Variants in SPATA17 observed in about 807,000 individuals in gnomAD.
The protein encoded by SPATA17 is spermatogenesis-associated protein 17.
Under a neutral mutation model 62.2 loss-of-function variants are expected in SPATA17, and 53 were observed. The ratio of observed to expected loss-of-function variants is 0.85; its 90% CI spans 0.68 to 1.07. The LOEUF (loss-of-function observed/expected upper bound fraction) is 1.07, where lower values mean the gene tolerates loss of function less well. Among genes scored for constraint, SPATA17 ranks in the 50% least tolerant of loss-of-function variants. The probability of loss-of-function intolerance (pLI) is 0.00; values close to 1 mark genes in which losing one functional copy is unlikely to be tolerated. For missense variants in SPATA17, 466 were observed against 425.5 expected, an observed-to-expected ratio of 1.10 and a Z score of -0.84; for synonymous variants, 146 against 146.8, an observed-to-expected ratio of 0.99 and a Z score of 0.04.
chr1:217,645,472 T>C lies in SPATA17; in HGVS notation c.69-3410T>C, dbSNP rs371482624. Among the ~76,000 whole-genome samples, 20 of 152,218 alleles carry C rather than the reference T, an allele frequency of 1.3e-4. No homozygotes were observed. In the East Asian group the frequency reaches 1.9e-3, roughly 15 times the overall value. On this transcript the variant is annotated intron_variant, in intron 1 of 10. Transcript: ENST00000366933. ...CTTCCATTTTTATAAAGGTAGCCAG[T>C]TGATTGTTGGTGGGAAAGGAGAAAC...
At chr1:217,732,660 A>T (rs1047667655) in intron 5 of SPATA17, among the ~76,000 whole-genome samples, 2 of 152,138 alleles carry the variant, frequency 1.3e-5, no homozygotes, top group African/African-American at 4.8e-5. Context: ...CTGTGTCTCA[A>T]AGTCACAATC....
At chr1:217,683,982 A>G (rs1671161574) in intron 5 of SPATA17, among the ~76,000 whole-genome samples, 1 of 152,198 alleles carries the variant, frequency 6.6e-6, no homozygotes, top group South Asian at 2.1e-4. Context: ...AAAACGATCT[A>G]GAGATGCAAC....
At chr1:217,845,683 C>T (rs990924292) in intron 9 of SPATA17, among the ~76,000 whole-genome samples, 3 of 151,970 alleles carry the variant, frequency 2.0e-5, no homozygotes, top group African/African-American at 4.8e-5. Context: ...TCAATTTTAA[C>T]GCTCGTGGTG....
chr1:217,771,828 A>T (rs1169796766), intron 6 of SPATA17, among the ~76,000 whole-genome samples: 1 of 124,130 alleles, frequency 8.1e-6, no homozygotes, highest in African/African-American at 3.1e-5. Flanking sequence ...GCCTATGTAT[A>T]CACGTGCATG....
At chr1:217,633,812 G>C (rs1296923059) in intron 1 of SPATA17, among the ~76,000 whole-genome samples, 1 of 152,190 alleles carries the variant, frequency 6.6e-6, no homozygotes, top group African/African-American at 2.4e-5. Flanking sequence ...GCTAGCATCA[G>C]AATAACGCTG....
intron 4 of SPATA17, among the ~76,000 whole-genome samples, chr1:217,678,542 A>AT (rs776288697): frequency 6.6e-6 from 1 of 151,920 alleles, no homozygotes; most frequent in Non-Finnish European, 1.5e-5. Context: ...GAGAGAAGAC[A>AT]TTTTTTCTTT....
At chr1:217,860,599 C>A (rs1330138636) in intron 9 of SPATA17, among the ~76,000 whole-genome samples, 1 of 152,132 alleles carries the variant, frequency 6.6e-6, no homozygotes, top group Non-Finnish European at 1.5e-5. Context: ...TAATGCTCCT[C>A]TTTATTCCTA....
At chr1:217,794,451 A>AC (rs1674086182) in intron 8 of SPATA17, among the ~76,000 whole-genome samples, 1 of 152,218 alleles carries the variant, frequency 6.6e-6, no homozygotes, top group Admixed American at 6.5e-5. Context: ...AAAATCATTG[A>AC]CGGAGCTACT....
At chr1:217,720,962 T>A (rs1352089570) in intron 5 of SPATA17, among the ~76,000 whole-genome samples, 2 of 152,162 alleles carry the variant, frequency 1.3e-5, no homozygotes, top group African/African-American at 4.8e-5. Flanking sequence ...TGTGTATATA[T>A]GTAACTAGAA....
At chr1:217,761,475 CA>C (rs1282470229) in intron 6 of SPATA17, among the ~76,000 whole-genome samples, 2 of 152,054 alleles carry the variant, frequency 1.3e-5, no homozygotes. Context: ...TATACATATA[CA>C]TATATATATC....
chr1:217,766,085 A>G (rs938389767), intron 6 of SPATA17, among the ~76,000 whole-genome samples: 1 of 151,804 alleles, frequency 6.6e-6, no homozygotes, highest in African/African-American at 2.4e-5. Flanking sequence ...ACTACTTATA[A>G]TTGGGTCTTC....
Position 217,744,278 on chromosome 1 carries a change from C to T in SPATA17, c.519+2180C>T, listed in dbSNP as rs1230910276. Among the ~76,000 whole-genome samples, 5 of 103,100 alleles carry T rather than the reference C, an allele frequency of 4.8e-5. 1 individual carries two copies. The highest frequency in any genetic ancestry group is 1.5e-4 in the African/African-American group (5 of 32,498). 67.6% of individuals were successfully genotyped at this position (103,100 alleles called of 152,430 possible). A position where few individuals can be genotyped will look rare whatever the true frequency, so the allele number is the denominator to read the frequency against. The stretch of plus-strand genomic sequence containing the variant: ...GAGATCGAGACCATCCCGGCTAAAA[C>T]GGTGAAACCCCGTCTCTACTAAAAA... On this transcript the variant is annotated intron_variant, in intron 6 of 10. Transcript: ENST00000366933.
At chr1:217,646,440 A>G (rs544071789) in intron 1 of SPATA17, among the ~76,000 whole-genome samples, 22 of 152,198 alleles carry the variant, frequency 1.4e-4, no homozygotes, top group Non-Finnish European at 3.1e-4. Flanking sequence ...TTATGGTTTT[A>G]GGGAGATTGG....
intron 9 of SPATA17, among the ~76,000 whole-genome samples, chr1:217,810,926 C>T (rs1232915767): frequency 6.6e-6 from 1 of 152,096 alleles, no homozygotes; most frequent in Non-Finnish European, 1.5e-5. Flanking sequence ...CCAGATCCCT[C>T]CCTTGACACA....
At chr1:217,667,093 G>A (rs968043627) in intron 3 of SPATA17, among the ~76,000 whole-genome samples, 3 of 144,264 alleles carry the variant, frequency 2.1e-5, no homozygotes, top group African/African-American at 7.8e-5. Flanking sequence ...TGTCACCTGG[G>A]CTGGAATGCA....
intron 5 of SPATA17, among the ~76,000 whole-genome samples, chr1:217,689,223 T>TC (rs1298904823): frequency 1.2e-5 from 1 of 85,952 alleles, no homozygotes; most frequent in Non-Finnish European, 2.3e-5. Context: ...TATTATGTCT[T>TC]TTTTTTTTTT....
At chr1:217,849,011 A>T (rs1330022463) in intron 9 of SPATA17, among the ~76,000 whole-genome samples, 6 of 152,066 alleles carry the variant, frequency 3.9e-5, no homozygotes, top group Admixed American at 2.0e-4. Context: ...AGCAGCTTGT[A>T]CTTGTTTAAT....
chr1:217,721,345 C>A (rs1672122725), intron 5 of SPATA17, among the ~76,000 whole-genome samples: 1 of 152,144 alleles, frequency 6.6e-6, no homozygotes, highest in South Asian at 2.1e-4. Context: ...AAAGGGAACC[C>A]TGACTTATAT....
intron 1 of SPATA17, among the ~76,000 whole-genome samples, 188 bp downstream of exon 1, chr1:217,631,634 G>C (rs796326697): frequency 9.2e-5 from 14 of 152,274 alleles, no homozygotes; most frequent in African/African-American, 3.4e-4. Flanking sequence ...TCTAAATAGA[G>C]AGGGGCCGTA....
Sources: allele counts gnomAD v4.1 joint callset (sites outside exome capture counted in the v4.1 genomes callset), GRCh38; gene constraint gnomAD v4.1.1; transcripts MANE v1.5; gene names NCBI Gene and HGNC (gene_info 2026-07-23, HGNC 2026-07-21).